The following GAREM1 variants were observed in gnomAD, a reference collection of about 807,000 sequenced individuals.
GAREM1 encodes GRB2 associated regulator of MAPK1 subtype 1, also known as GRB2-associated and regulator of MAPK protein 1.
In GAREM1, 26 loss-of-function variants were observed where a neutral mutation model predicts 71.3. The ratio of observed to expected loss-of-function variants is 0.36; its 90% CI spans 0.27 to 0.51. The LOEUF (loss-of-function observed/expected upper bound fraction) is 0.51, where lower values mean the gene tolerates loss of function less well. GAREM1 is among the 20% of genes least tolerant of loss of function. The pLI is 0.95. For synonymous variants in GAREM1, 440 were observed against 433.2 expected (o/e 1.02, Z -0.20); for missense variants, 1,026 against 1,103.1 (o/e 0.93, Z 0.99).
intron 1 of GAREM1, among the ~76,000 whole-genome samples, chr18:32,455,880 A>G (rs577158507): frequency 5.9e-5 from 9 of 152,294 alleles, no homozygotes; most frequent in Admixed American, 5.2e-4. Context: ...GTGTTTTTCT[A>G]CTACTAAAAG....
chr18:32,309,787 C>G (rs533038075), intron 3 of GAREM1, among the ~76,000 whole-genome samples: 1 of 151,428 alleles, frequency 6.6e-6, no homozygotes, highest in African/African-American at 2.4e-5. Flanking sequence ...GAAACCTATT[C>G]TATCTTTGTA....
intron 2 of GAREM1, among the ~76,000 whole-genome samples, chr18:32,379,694 G>T (rs998990927): frequency 4.6e-5 from 7 of 150,800 alleles, no homozygotes; most frequent in Admixed American, 2.0e-4. Context: ...GACAGAACGA[G>T]ACTTGGTCTT....
chr18:32,404,285 A>G (rs79652442), intron 1 of GAREM1, among the ~76,000 whole-genome samples: 1 of 152,208 alleles, frequency 6.6e-6, no homozygotes, highest in Non-Finnish European at 1.5e-5. Context: ...ATTTTTAAAC[A>G]TGAAGATGAA....
chr18:32,316,627 G>A (rs951173314), intron 2 of GAREM1, among the ~76,000 whole-genome samples: 10 of 151,902 alleles, frequency 6.6e-5, no homozygotes, highest in African/African-American at 2.4e-4. Flanking sequence ...GTATTTTTTT[G>A]TAGAGATGAG....
intron 5 of GAREM1, among the ~76,000 whole-genome samples, chr18:32,269,345 C>CA (rs2041423812): frequency 6.6e-6 from 1 of 152,180 alleles, no homozygotes; most frequent in African/African-American, 2.4e-5. Flanking sequence ...AAAGTACCTG[C>CA]AAAGAGAGCT....
chr18:32,412,524 T>G, intron 1 of GAREM1: 1 of 1,596,914 alleles, frequency 6.3e-7, no homozygotes, highest in Non-Finnish European at 8.5e-7. Context: ...GTTTCCTCCA[T>G]GACCGAAGTT....
chr18:32,362,282 T>C (rs138547851), intron 2 of GAREM1, among the ~76,000 whole-genome samples: 2 of 152,360 alleles, frequency 1.3e-5, no homozygotes, highest in East Asian at 1.9e-4. Flanking sequence ...AAATGATGTA[T>C]CTCTCTGGAA....
intron 1 of GAREM1, among the ~76,000 whole-genome samples, chr18:32,399,130 C>A (rs1323777823): frequency 6.6e-6 from 1 of 152,126 alleles, no homozygotes; most frequent in Non-Finnish European, 1.5e-5. Context: ...GCCCTTCATG[C>A]TAAAAACTCT....
intron 2 of GAREM1, among the ~76,000 whole-genome samples, chr18:32,373,943 A>G (rs1368010006): frequency 6.6e-6 from 1 of 152,226 alleles, no homozygotes; most frequent in African/African-American, 2.4e-5. Flanking sequence ...ATTAATGATG[A>G]CAATGTTCTT....
chr18:32,358,296 G>T (rs1447772933), intron 2 of GAREM1, among the ~76,000 whole-genome samples: 2 of 151,960 alleles, frequency 1.3e-5, no homozygotes, highest in African/African-American at 4.8e-5. Context: ...CCCCTGCAGG[G>T]GAAGGGAACT....
chr18:32,394,716 G>T (rs938396976), intron 1 of GAREM1, among the ~76,000 whole-genome samples: 1 of 152,140 alleles, frequency 6.6e-6, no homozygotes, highest in Non-Finnish European at 1.5e-5. Context: ...GAAAAATCTA[G>T]AACTGCTGCT....
rs80095554 is a variant in GAREM1, at chr18:32,298,992, T to C, written c.394-10789A>G. 9.4e-3 allele frequency among the ~76,000 whole-genome samples: 1,430 copies of C among 152,194 alleles called. 30 individuals carry two copies. The highest frequency in any genetic ancestry group is 0.031 in the African/African-American group (1,285 of 41,522). ...AATAGGGCAAGAATGACAAGTACAATGGCAATGGTTGCATTTGTGATGCTA... is the reference window on the plus strand; with the variant it reads ...AATAGGGCAAGAATGACAAGTACAACGGCAATGGTTGCATTTGTGATGCTA... On this transcript the variant is annotated intron_variant, in intron 3 of 5. Coordinates refer to ENST00000269209, the MANE Select transcript of GAREM1 (RefSeq NM_001242409.2).
intron 1 of GAREM1, among the ~76,000 whole-genome samples, chr18:32,400,456 A>T (rs1234932254): frequency 1.3e-5 from 2 of 152,172 alleles, no homozygotes; most frequent in Non-Finnish European, 2.9e-5. Context: ...GAATCTACAA[A>T]GAACTCAAAC....
chr18:32,294,828 T>C (rs1414760977), intron 3 of GAREM1, among the ~76,000 whole-genome samples: 1 of 152,158 alleles, frequency 6.6e-6, no homozygotes, highest in Non-Finnish European at 1.5e-5. Context: ...ATCCCTTCTC[T>C]CATAACAGAG....
At chr18:32,288,311 TTTTC>T in intron 3 of GAREM1, 108 bp from the exon 4 acceptor site, 2 of 797,558 alleles carry the variant, frequency 2.5e-6, no homozygotes, top group Non-Finnish European at 3.8e-6. Context: ...AATGCTGCGC[TTTTC>T]TTTAATACTA....
chr18:32,282,551 T>A (rs2046965707), intron 4 of GAREM1, among the ~76,000 whole-genome samples: 1 of 152,176 alleles, frequency 6.6e-6, no homozygotes. Flanking sequence ...TGTTTGTTTT[T>A]CTGAGACTGA....
intron 2 of GAREM1, among the ~76,000 whole-genome samples, chr18:32,388,977 T>C (rs1004590591): frequency 6.6e-6 from 1 of 152,120 alleles, no homozygotes; most frequent in African/African-American, 2.4e-5. Flanking sequence ...CAGTGAAGTA[T>C]TAGGGGGATG....
intron 2 of GAREM1, among the ~76,000 whole-genome samples, chr18:32,315,516 TA>T (rs915408464): frequency 5.9e-4 from 87 of 147,350 alleles, no homozygotes; most frequent in South Asian, 4.4e-3. Context: ...TAGATATATA[TA>T]AAAATATATA....
rs529958611 is a variant in GAREM1, at chr18:32,268,139, T to C, written c.2363A>G (p.His788Arg). The change falls in exon 6 of 6, where the codon CAT becomes CGT. Residue 788 changes from histidine (H) to arginine (R), a missense_variant. Physicochemically the swap from His to Arg is conservative, Grantham distance 29 (BLOSUM62 0). Coordinates refer to ENST00000269209, the MANE Select transcript of GAREM1 (RefSeq NM_001242409.2). Reference protein sequence around the residue: ...SASYPFSSPLHLQLAPRSCGD... With the variant: ...SASYPFSSPLRLQLAPRSCGD... ...ACAGGATCTGGGGGCCAGCTGGAGA[T>C]GGAGCGGAGATGAGAAAGGGTAGGA... 18 of 1,613,898 alleles carry C rather than the reference T, an allele frequency of 1.1e-5. No individual in the cohort carries two copies. Among genetic ancestry groups the C allele is most frequent in the Admixed American group, 3.3e-5 (2 of 59,988 alleles).
Sources: allele counts gnomAD v4.1 joint callset (sites outside exome capture counted in the v4.1 genomes callset), GRCh38; gene constraint gnomAD v4.1.1; transcripts MANE v1.5; gene names NCBI Gene and HGNC (gene_info 2026-07-23, HGNC 2026-07-21).